BCLAF1: variants seen among roughly 807,000 people sequenced by gnomAD.
The protein encoded by BCLAF1 is bcl-2-associated transcription factor 1.
BCLAF1 carries 10 observed loss-of-function variants against 99.5 expected under a neutral mutation model. That is an observed-to-expected ratio of 0.10 (90% confidence interval 0.06 to 0.17). The LOEUF is 0.17. Ranked by LOEUF, BCLAF1 falls within the 10% of genes least tolerant of loss-of-function variation. BCLAF1 has a pLI of 1.00. For missense variants in BCLAF1, 636 were observed against 1,105.8 expected (o/e 0.58, Z 6.02); for synonymous variants, 255 against 370.9 (o/e 0.69, Z 3.59).
In BCLAF1 at chr6:136,261,042, A is replaced by G; in HGVS notation, c.*68T>C. The G allele has an allele frequency of 6.8e-7, 1 of 1,464,488 alleles. No homozygotes were observed. Among genetic ancestry groups the G allele is most frequent in the East Asian group, 2.4e-5 (1 of 42,550 alleles). 90.7% of individuals were successfully genotyped at this position (1,464,488 alleles called of 1,614,324 possible). A position where few individuals can be genotyped will look rare whatever the true frequency, so the allele number is the denominator to read the frequency against. On this transcript the variant is annotated 3_prime_UTR_variant, in exon 13 of 13. Coordinates refer to ENST00000531224, the MANE Select transcript of BCLAF1 (RefSeq NM_014739.3). The stretch of plus-strand genomic sequence containing the variant: ...GTAAAATGCTTACATTCTTATTTGA[A>G]AACAAAAATCAGGTAAAAAAAATGG...
At position 136,257,331 on chromosome 6, in the gene BCLAF1, T is replaced by C. The variant is rs985560881; in HGVS notation, c.*3779A>G. ...CTCTTTAATCAGTGAGATTCATTTTTAAAGGCCAAGGTATAGTCTAGTAAC... is the reference window on the plus strand; with the variant it reads ...CTCTTTAATCAGTGAGATTCATTTTCAAAGGCCAAGGTATAGTCTAGTAAC... On this transcript the variant is annotated 3_prime_UTR_variant, in exon 13 of 13. Transcript: ENST00000531224. 5 of 152,212 alleles carry C rather than the reference T, an allele frequency of 3.3e-5. No individual in the cohort carries two copies. The highest frequency in any genetic ancestry group is 1.2e-4 in the African/African-American group (5 of 41,454). The allele number at this position is 152,212 out of a possible 1,614,324, so 9.4% of individuals were successfully genotyped here.
Position 136,258,556 on chromosome 6 carries a change from A to T in BCLAF1, c.*2554T>A, listed in dbSNP as rs1198315603. 1.3e-5 allele frequency: 2 copies of T among 152,544 alleles called. No homozygotes were observed. 9.4% of individuals were successfully genotyped at this position (152,544 alleles called of 1,614,324 possible). A position where few individuals can be genotyped will look rare whatever the true frequency, so the allele number is the denominator to read the frequency against. ...ATAGGCCACAGAAATAAGATGTGTGAAATAGACACAGGTAAACAAACAACA... is the reference window on the plus strand; with the variant it reads ...ATAGGCCACAGAAATAAGATGTGTGTAATAGACACAGGTAAACAAACAACA... On this transcript the variant is annotated 3_prime_UTR_variant, in exon 13 of 13. Transcript: ENST00000531224.
chr6:136,273,707 A>C (rs942641150), intron 6 of BCLAF1, among the ~76,000 whole-genome samples: 4 of 151,996 alleles, frequency 2.6e-5, no homozygotes, highest in African/African-American at 9.7e-5. Flanking sequence ...AAATATTTTT[A>C]AATCAATTAA....
intron 2 of BCLAF1, among the ~76,000 whole-genome samples, chr6:136,282,090 T>C (rs1452145947): frequency 6.6e-6 from 1 of 152,186 alleles, no homozygotes; most frequent in Non-Finnish European, 1.5e-5. Context: ...ACTACATGAA[T>C]TCAAATTCCT....
rs1229274645 is a variant in BCLAF1, at chr6:136,257,097, G to C, written c.*4013C>G. ...TAAGAAAAATTCGATGTATATTCTT[G>C]GGGGAAAGGCATTAAAGCCTGCTCA... On this transcript the variant is annotated 3_prime_UTR_variant, in exon 13 of 13. Coordinates refer to ENST00000531224, the MANE Select transcript of BCLAF1 (RefSeq NM_014739.3). 6.6e-6 allele frequency: 1 copy of C among 152,098 alleles called. No homozygotes were observed. The highest frequency in any genetic ancestry group is 2.4e-5 in the African/African-American group (1 of 41,414). The allele number at this position is 152,098 out of a possible 1,614,324, so 9.4% of individuals were successfully genotyped here.
intron 11 of BCLAF1, among the ~76,000 whole-genome samples, chr6:136,265,201 GTCTCT>G (rs1363517402): frequency 2.0e-5 from 3 of 151,692 alleles, no homozygotes; most frequent in Non-Finnish European, 4.4e-5. Flanking sequence ...TCTTTATCTC[GTCTCT>G]TCTGTGATCT....
intron 6 of BCLAF1, chr6:136,274,048 T>C: frequency 7.8e-7 from 1 of 1,287,486 alleles, no homozygotes; most frequent in Non-Finnish European, 1.0e-6. Context: ...CATAATTCCA[T>C]GAAACCCAGG....
intron 11 of BCLAF1, among the ~76,000 whole-genome samples, chr6:136,265,595 A>G (rs1481523042): frequency 6.6e-6 from 1 of 152,076 alleles, no homozygotes; most frequent in Non-Finnish European, 1.5e-5. Context: ...ATTTTCCCAC[A>G]CTTATACCAA....
At chr6:136,288,200 T>C (rs1172842009) in intron 1 of BCLAF1, among the ~76,000 whole-genome samples, 7 of 152,222 alleles carry the variant, frequency 4.6e-5, no homozygotes, top group African/African-American at 1.7e-4. Flanking sequence ...CACCACAATG[T>C]ACTGGTTGAA....
At chr6:136,270,459 T>C (rs1031644664) in intron 8 of BCLAF1, 1 of 151,804 alleles carries the variant, frequency 6.6e-6, no homozygotes, top group African/African-American at 2.4e-5. Context: ...CAACAATAAG[T>C]AGTATTTACT....
chr6:136,289,360 A>T (rs1054929272), intron 1 of BCLAF1, among the ~76,000 whole-genome samples: 1 of 152,088 alleles, frequency 6.6e-6, no homozygotes, highest in African/African-American at 2.4e-5. Flanking sequence ...GCGTGCGCGG[A>T]GCGTTCAGTC....
intron 11 of BCLAF1, among the ~76,000 whole-genome samples, chr6:136,263,799 C>T (rs887809083): frequency 3.3e-5 from 5 of 152,212 alleles, no homozygotes; most frequent in Admixed American, 3.3e-4. Context: ...CAACTCTTCA[C>T]ACTCACCCCT....
Position 136,277,934 on chromosome 6 carries a change from C to T in BCLAF1, c.947G>A (p.Arg316Lys), listed in dbSNP as rs981170265. 6.3e-7 allele frequency: 1 copy of T among 1,585,548 alleles called. No homozygotes were observed. The highest frequency in any genetic ancestry group is 1.4e-5 in the African/African-American group (1 of 73,642). Residue 316 changes from arginine to lysine, a missense_variant, in exon 4 of 13, where the codon AGG becomes AAG. This residue lies in a region of BCLAF1 where 186 missense variants were observed against 275.3 expected (regional missense o/e 0.68). Transcript: ENST00000531224. ...ATCAGGATAAAACGAGGAACGGCCC[C>T]TAGACTCATCTCTTGGAGCATTCTG... ...APQNAPRDES[R>K]GRSSFYPDGG...
At chr6:136,270,243 C>T (rs1782327884) in intron 8 of BCLAF1, 1 of 151,942 alleles carries the variant, frequency 6.6e-6, no homozygotes, top group South Asian at 2.1e-4. Flanking sequence ...CAATCCTGTA[C>T]TCAGTATCTT....
intron 2 of BCLAF1, among the ~76,000 whole-genome samples, chr6:136,280,919 T>C (rs1318566935): frequency 6.6e-6 from 1 of 152,164 alleles, no homozygotes; most frequent in African/African-American, 2.4e-5. Context: ...CTTACTAAAC[T>C]TCTAACACCT....
chr6:136,285,564 T>C (rs1042698358), intron 1 of BCLAF1, among the ~76,000 whole-genome samples: 1 of 152,224 alleles, frequency 6.6e-6, no homozygotes, highest in East Asian at 1.9e-4. Context: ...GCCAAATTAA[T>C]CTTCCCTTTA....
intron 2 of BCLAF1, 23 bp downstream of exon 2, chr6:136,282,561 T>C (rs1251994575): frequency 6.6e-6 from 1 of 152,104 alleles, no homozygotes; most frequent in East Asian, 1.9e-4. Context: ...AAGTGAAAAC[T>C]AGAAAAATGA....
intron 4 of BCLAF1, 107 bp downstream of exon 4, chr6:136,277,758 A>AG: frequency 8.2e-7 from 1 of 1,224,032 alleles, no homozygotes; most frequent in South Asian, 1.7e-5. Flanking sequence ...AGTCAAGAGT[A>AG]AAAACCGCTA....
At chr6:136,285,495 CTCT>C (rs1562269367) in intron 1 of BCLAF1, among the ~76,000 whole-genome samples, 1 of 152,180 alleles carries the variant, frequency 6.6e-6, no homozygotes. Flanking sequence ...CCGGTGCTCT[CTCT>C]TCAATACCCT....
Sources: gnomAD v4.1 joint callset for allele counts (sites outside exome capture counted in the v4.1 genomes callset) on GRCh38, gnomAD v4.1.1 for gene constraint, gnomAD v4.1.1 regional missense constraint, MANE v1.5 for transcripts, NCBI Gene and HGNC (gene_info 2026-07-23, HGNC 2026-07-21) for gene names.